SRD5A2: variants seen among roughly 807,000 people sequenced by gnomAD.
SRD5A2 encodes steroid 5 alpha-reductase 2, also known as 3-oxo-5-alpha-steroid 4-dehydrogenase 2.
SRD5A2 carries 30 observed loss-of-function variants against 27.4 expected under a neutral mutation model. The observed-to-expected ratio is 1.10, with a 90% CI of 0.82 to 1.49. SRD5A2 has a LOEUF of 1.49. SRD5A2 is among the 40% of genes most tolerant of loss of function. The probability of loss-of-function intolerance (pLI) is 0.00; values close to 1 mark genes in which losing one functional copy is unlikely to be tolerated. For synonymous variants in SRD5A2, 141 were observed against 133.6 expected, an observed-to-expected ratio of 1.06 and a Z score of -0.38; for missense variants, 348 against 323.4, an observed-to-expected ratio of 1.08 and a Z score of -0.58.
the SRD5A2 span, among the ~76,000 whole-genome samples, chr2:31,662,954 G>C: frequency 6.6e-6 from 1 of 152,146 alleles, no homozygotes; most frequent in Non-Finnish European, 1.5e-5. Context: ...GTCATAGGGA[G>C]GAAAGTTGGT....
chr2:31,656,034 G>C, the SRD5A2 span, among the ~76,000 whole-genome samples: 1 of 152,102 alleles, frequency 6.6e-6, no homozygotes, highest in Non-Finnish European at 1.5e-5. Context: ...CTGGTAAGTC[G>C]GGGAAGTTAA....
upstream of SRD5A2, among the ~76,000 whole-genome samples, chr2:31,585,084 C>G (rs1025842485): frequency 6.6e-6 from 1 of 152,180 alleles, no homozygotes. Context: ...AGCTGATGCC[C>G]ACACATAAAG....
the SRD5A2 span, among the ~76,000 whole-genome samples, chr2:31,607,018 A>G: frequency 4.9e-3 from 752 of 152,072 alleles, 8 homozygotes; most frequent in African/African-American, 0.017. Context: ...TTAAGATGGA[A>G]ATTCTAGAAC....
chr2:31,648,447 G>C, the SRD5A2 span, among the ~76,000 whole-genome samples: 434 of 152,224 alleles, frequency 2.9e-3, 2 homozygotes, highest in African/African-American at 0.01. Context: ...ATTTCAACCT[G>C]CCAATAACAT....
the SRD5A2 span, among the ~76,000 whole-genome samples, chr2:31,647,163 A>G: frequency 4.6e-5 from 7 of 152,200 alleles, no homozygotes; most frequent in East Asian, 1.4e-3. Flanking sequence ...AAACAAAACA[A>G]AACAAAAACA....
the SRD5A2 span, among the ~76,000 whole-genome samples, chr2:31,652,184 G>A: frequency 6.6e-6 from 1 of 152,026 alleles, no homozygotes; most frequent in Non-Finnish European, 1.5e-5. Flanking sequence ...TTAAACTTGT[G>A]GGCTCAAGCA....
chr2:31,558,006 C>T (rs1666534661), intron 1 of SRD5A2, among the ~76,000 whole-genome samples: 1 of 152,114 alleles, frequency 6.6e-6, no homozygotes, highest in East Asian at 1.9e-4. Context: ...CTATAGAGTC[C>T]AAATCTGCCG....
At chr2:31,537,600 G>A (rs1666052171) in intron 1 of SRD5A2, among the ~76,000 whole-genome samples, 1 of 151,946 alleles carries the variant, frequency 6.6e-6, no homozygotes, top group Admixed American at 6.6e-5. Context: ...TCATCCTCCT[G>A]ACCTCTAAAT....
intron 1 of SRD5A2, among the ~76,000 whole-genome samples, chr2:31,543,609 T>G (rs1666181544): frequency 6.6e-6 from 1 of 152,148 alleles, no homozygotes; most frequent in Admixed American, 6.5e-5. Context: ...TGCAATTTTG[T>G]GACATTAACA....
chr2:31,570,671 A>T (rs1666831996), intron 1 of SRD5A2, among the ~76,000 whole-genome samples: 1 of 152,260 alleles, frequency 6.6e-6, no homozygotes, highest in Non-Finnish European at 1.5e-5. Context: ...AAACAACTTC[A>T]GTAAAGTTTC....
At chr2:31,624,950 G>A in the SRD5A2 span, among the ~76,000 whole-genome samples, 2 of 152,152 alleles carry the variant, frequency 1.3e-5, no homozygotes, top group South Asian at 2.1e-4. Flanking sequence ...CTTCCAAAAT[G>A]GTTGAACTAG....
chr2:31,657,447 G>C, the SRD5A2 span, among the ~76,000 whole-genome samples: 1 of 152,140 alleles, frequency 6.6e-6, no homozygotes, highest in South Asian at 2.1e-4. Context: ...GTGGAGTGCA[G>C]TGGCACAATC....
rs121434252 is a variant in SRD5A2 at position 31,529,370 on chromosome 2, G to C, written c.635C>G (p.Pro212Arg). Residue 212 changes from proline to arginine, a missense_variant, in exon 4 of 5, where the codon CCA becomes CGA. Pro to Arg is a moderately radical substitution (Grantham distance 103). Coordinates refer to ENST00000622030, the MANE Select transcript of SRD5A2 (RefSeq NM_000348.4). Reference protein sequence around the residue: ...IGYALATWSLPALAFAFFSLC... With the variant: ...IGYALATWSLRALAFAFFSLC... Reference sequence around the variant, plus strand: ...TGAGAAAAATGCAAATGCAAGTGCTGGGAGGGACCAAGTGGCCAGGGCATA... The same window carrying C: ...TGAGAAAAATGCAAATGCAAGTGCTCGGAGGGACCAAGTGGCCAGGGCATA... 16 of 1,613,964 alleles carry C rather than the reference G, an allele frequency of 9.9e-6. No homozygotes were observed. In the Admixed American group the frequency reaches 2.7e-4, roughly 27 times the overall value.
the SRD5A2 span, among the ~76,000 whole-genome samples, chr2:31,625,572 T>A: frequency 2.6e-5 from 4 of 152,356 alleles, no homozygotes; most frequent in African/African-American, 9.6e-5. Flanking sequence ...TTCAGCTTTC[T>A]ACATATGGCT....
chr2:31,592,694 T>C, the SRD5A2 span, among the ~76,000 whole-genome samples: 2 of 152,208 alleles, frequency 1.3e-5, no homozygotes, highest in African/African-American at 4.8e-5. Context: ...CAAAATAATC[T>C]GAACAGCAGG....
the SRD5A2 span, among the ~76,000 whole-genome samples, chr2:31,659,626 G>A: frequency 1.3e-5 from 2 of 152,064 alleles, no homozygotes; most frequent in Non-Finnish European, 2.9e-5. Flanking sequence ...AGCTAACCAG[G>A]GAAGTGAAGG....
chr2:31,652,292 A>G, the SRD5A2 span, among the ~76,000 whole-genome samples: 1 of 152,208 alleles, frequency 6.6e-6, no homozygotes, highest in African/African-American at 2.4e-5. Flanking sequence ...TACATTTGCT[A>G]AGGAGAATAC....
intron 1 of SRD5A2, among the ~76,000 whole-genome samples, chr2:31,544,896 G>C (rs1404018445): frequency 6.6e-6 from 1 of 151,656 alleles, no homozygotes; most frequent in Non-Finnish European, 1.5e-5. Context: ...GGAATAAAAA[G>C]AATTCTAAGA....
the SRD5A2 span, among the ~76,000 whole-genome samples, chr2:31,622,010 T>C: frequency 6.6e-6 from 1 of 152,010 alleles, no homozygotes; most frequent in Non-Finnish European, 1.5e-5. Context: ...GACATGCATG[T>C]TTGTTACCTA....
Sources: allele counts gnomAD v4.1 joint callset (sites outside exome capture counted in the v4.1 genomes callset), GRCh38; gene constraint gnomAD v4.1.1; transcripts MANE v1.5; gene names NCBI Gene and HGNC (gene_info 2026-07-23, HGNC 2026-07-21).